Variants in IFNGR2 observed in about 807,000 individuals in gnomAD.
IFNGR2 encodes the protein IFN-gamma receptor 2.
IFNGR2 carries 15 observed loss-of-function variants against 41.1 expected under a neutral mutation model. The ratio of observed to expected loss-of-function variants is 0.37; its 90% CI spans 0.24 to 0.56. The LOEUF is 0.56. Ranked by LOEUF, IFNGR2 falls within the 20% of genes least tolerant of loss-of-function variation. The pLI, the probability that IFNGR2 is intolerant of heterozygous loss-of-function variation, is 0.81. For missense variants in IFNGR2, 362 were observed against 415.7 expected (o/e 0.87, Z 1.12); for synonymous variants, 161 against 171.6 (o/e 0.94, Z 0.48).
chr21:33,405,024 C>T (rs949403155), intron 1 of IFNGR2, among the ~76,000 whole-genome samples: 1 of 146,926 alleles, frequency 6.8e-6, no homozygotes. Flanking sequence ...GAGGCCGAGG[C>T]GGGAGAATCA....
At chr21:33,432,480 T>C (rs2083898569) in intron 5 of IFNGR2, 144 bp downstream of exon 5, 2 of 918,772 alleles carry the variant, frequency 2.2e-6, no homozygotes, top group South Asian at 2.7e-5. Flanking sequence ...AATAATGAGC[T>C]TGTGCTGAGA....
At chr21:33,434,601 G>A (rs756860211) in intron 6 of IFNGR2, among the ~76,000 whole-genome samples, 3 of 152,182 alleles carry the variant, frequency 2.0e-5, no homozygotes, top group Non-Finnish European at 4.4e-5. Context: ...AAAGGTGTTG[G>A]AAGCAGAATG....
chr21:33,408,826 G>C (rs2083696170), intron 1 of IFNGR2, among the ~76,000 whole-genome samples: 1 of 152,176 alleles, frequency 6.6e-6, no homozygotes, highest in African/African-American at 2.4e-5. Flanking sequence ...GTTGAAGAAA[G>C]TCCAATAGAG....
chr21:33,413,527 A>G (rs1015063816), intron 1 of IFNGR2, among the ~76,000 whole-genome samples: 1 of 152,162 alleles, frequency 6.6e-6, no homozygotes, highest in Non-Finnish European at 1.5e-5. Context: ...ATTTTGGAAC[A>G]GCATGTTTTT....
intron 2 of IFNGR2, among the ~76,000 whole-genome samples, chr21:33,419,543 T>C (rs2083776563): frequency 6.6e-6 from 1 of 152,168 alleles, no homozygotes; most frequent in South Asian, 2.1e-4. Context: ...TTTAACTTGA[T>C]GTAGTTAAAT....
At chr21:33,421,127 T>G (rs1255587468) in intron 2 of IFNGR2, among the ~76,000 whole-genome samples, 1 of 151,520 alleles carries the variant, frequency 6.6e-6, no homozygotes, top group Non-Finnish European at 1.5e-5. Context: ...AGGTCAGGAG[T>G]TTGAGACCAG....
Position 33,436,695 on chromosome 21 carries a change from C to T in IFNGR2, c.880-133C>T, listed in dbSNP as rs941491369. On this transcript the variant is annotated intron_variant, in intron 6 of 6. Transcript: ENST00000290219. Reference sequence around the variant, plus strand: ...TGAGATCACACCACTATACTCCAGCCTAGGCAAGAGTAAGACTCCATCTCA... The same window carrying T: ...TGAGATCACACCACTATACTCCAGCTTAGGCAAGAGTAAGACTCCATCTCA... 3.8e-5 allele frequency: 26 copies of T among 681,776 alleles called. No homozygotes were observed. In the African/African-American group the frequency reaches 4.2e-4, roughly 11 times the overall value. 42.2% of individuals were successfully genotyped at this position (681,776 alleles called of 1,614,324 possible).
In IFNGR2 at chr21:33,436,742, T is replaced by TA. The variant is rs200462468; in HGVS notation, c.880-82dup. 4.3e-3 allele frequency: 4,770 copies of TA among 1,103,804 alleles called. 32 individuals carry two copies. Among genetic ancestry groups the TA allele is most frequent in the Non-Finnish European group, 5.5e-3 (4,216 of 762,056 alleles). 68.4% of individuals were successfully genotyped at this position (1,103,804 alleles called of 1,614,324 possible). A position where few individuals can be genotyped will look rare whatever the true frequency, so the allele number is the denominator to read the frequency against. On this transcript the variant is annotated intron_variant, in intron 6 of 6. Coordinates refer to ENST00000290219, the MANE Select transcript of IFNGR2 (RefSeq NM_005534.4). ...CTCAAAAAAAAAATAAAAATAAAAA[T>TA]AAAATAAAAACAAAAACTAAAGTTA...
rs115066294 is a variant in IFNGR2, at chr21:33,411,836, A to G, written c.74-3052A>G. Among the ~76,000 whole-genome samples, 576 of 152,376 alleles carry G rather than the reference A, an allele frequency of 3.8e-3. 5 individuals carry two copies. The highest frequency in any genetic ancestry group is 0.013 in the African/African-American group (551 of 41,586). On this transcript the variant is annotated intron_variant, in intron 1 of 6. Transcript: ENST00000290219. The stretch of plus-strand genomic sequence containing the variant: ...CCAGCCCTGCTGATAACTTGACTTT[A>G]GTCAGTGAGACTGACTTTAAACTTC...
upstream of IFNGR2, chr21:33,403,138 T>C (rs8126756): frequency 0.24 from 35,883 of 147,368 alleles, 5,871 homozygotes; most frequent in African/African-American, 0.46. Flanking sequence ...AGCCCGGGGG[T>C]CTGGGCCGGG....
At chr21:33,413,386 A>G (rs924996609) in intron 1 of IFNGR2, among the ~76,000 whole-genome samples, 3 of 152,166 alleles carry the variant, frequency 2.0e-5, no homozygotes, top group African/African-American at 7.2e-5. Context: ...GGGGCATCCT[A>G]TAACTAAACA....
chr21:33,410,911 G>T, intron 1 of IFNGR2: 1 of 1,497,044 alleles, frequency 6.7e-7, no homozygotes, highest in South Asian at 1.2e-5. Flanking sequence ...AGAGTATCTG[G>T]GTGTAACCTG....
At chr21:33,412,201 GCAGA>G (rs2083722119) in intron 1 of IFNGR2, among the ~76,000 whole-genome samples, 1 of 152,160 alleles carries the variant, frequency 6.6e-6, no homozygotes, top group African/African-American at 2.4e-5. Context: ...CCAACCCTAA[GCAGA>G]CACTCACCCT....
intron 3 of IFNGR2, among the ~76,000 whole-genome samples, chr21:33,421,891 C>T (rs2083796007): frequency 6.6e-6 from 1 of 152,210 alleles, no homozygotes; most frequent in African/African-American, 2.4e-5. Flanking sequence ...CTACAGCCTG[C>T]AGGCCAAATC....
chr21:33,405,970 A>G (rs1261326690), intron 1 of IFNGR2, among the ~76,000 whole-genome samples: 1 of 152,174 alleles, frequency 6.6e-6, no homozygotes, highest in Non-Finnish European at 1.5e-5. Context: ...GCAGAGGTGC[A>G]GTAAGCTGAG....
intron 2 of IFNGR2, among the ~76,000 whole-genome samples, chr21:33,417,753 C>T (rs1330289267): frequency 1.3e-5 from 2 of 152,154 alleles, no homozygotes; most frequent in African/African-American, 4.8e-5. Context: ...CACCCTAGAG[C>T]TAAACAAGAA....
intron 4 of IFNGR2, among the ~76,000 whole-genome samples, chr21:33,431,836 T>C (rs2083891002): frequency 6.6e-6 from 1 of 152,192 alleles, no homozygotes; most frequent in Non-Finnish European, 1.5e-5. Flanking sequence ...CCTCCCAAAG[T>C]GGTGGGATTA....
At chr21:33,404,921 G>C (rs763287750) in intron 1 of IFNGR2, among the ~76,000 whole-genome samples, 4 of 152,032 alleles carry the variant, frequency 2.6e-5, no homozygotes, top group Non-Finnish European at 5.9e-5. Context: ...TCAGGAGTTC[G>C]AGACCAGCTT....
At chr21:33,427,770 G>A (rs1336174381) in intron 4 of IFNGR2, among the ~76,000 whole-genome samples, 1 of 151,076 alleles carries the variant, frequency 6.6e-6, no homozygotes, top group Non-Finnish European at 1.5e-5. Flanking sequence ...TTGATAATAA[G>A]AGCTTACATT....
Sources: gnomAD v4.1 joint callset for allele counts (sites outside exome capture counted in the v4.1 genomes callset) on GRCh38, gnomAD v4.1.1 for gene constraint, MANE v1.5 for transcripts, NCBI Gene and HGNC (gene_info 2026-07-23, HGNC 2026-07-21) for gene names.